Variants in KIF1B observed in about 807,000 individuals in gnomAD.
KIF1B encodes kinesin family member 1B.
KIF1B carries 76 observed loss-of-function variants against 241.9 expected under a neutral mutation model. That is an observed-to-expected ratio of 0.31 (90% confidence interval 0.26 to 0.38). The LOEUF (loss-of-function observed/expected upper bound fraction) is 0.38, where lower values mean the gene tolerates loss of function less well. KIF1B is among the 10% of genes least tolerant of loss of function. The pLI is 1.00. For missense variants in KIF1B, 1,622 were observed against 2,271.4 expected (o/e 0.71, Z 5.81); for synonymous variants, 750 against 796.7 (o/e 0.94, Z 0.99).
intron 2 of KIF1B, among the ~76,000 whole-genome samples, chr1:10,243,675 C>T (rs1033535037): frequency 2.0e-5 from 3 of 152,100 alleles, no homozygotes; most frequent in African/African-American, 7.2e-5. Flanking sequence ...TCTCCAGAAC[C>T]CTTACTATTG....
chr1:10,270,281 T>A (rs1445151350), intron 7 of KIF1B, among the ~76,000 whole-genome samples: 1 of 152,204 alleles, frequency 6.6e-6, no homozygotes, highest in Non-Finnish European at 1.5e-5. Flanking sequence ...GACCTGCCCT[T>A]TTGTCACTAT....
At chr1:10,330,942 T>A (rs1035504626) in intron 27 of KIF1B, among the ~76,000 whole-genome samples, 5 of 152,106 alleles carry the variant, frequency 3.3e-5, no homozygotes, top group Admixed American at 2.0e-4. Flanking sequence ...AAGTGGTGTT[T>A]GAAATAAGAC....
chr1:10,363,349 G>A lies in KIF1B; in HGVS notation c.4366+5G>A, dbSNP rs1638476377. ...TGTCAGACACAGGTAGTCCAGGTAA[G>A]CTCTTGTGGATTGAGGAGGTGATAG... On this transcript the variant is annotated splice_donor_5th_base_variant and intron_variant, in intron 41 of 48. Coordinates refer to ENST00000676179, the MANE Select transcript of KIF1B (RefSeq NM_001365951.3). 2 of 1,609,386 alleles carry A rather than the reference G, an allele frequency of 1.2e-6. No homozygotes were observed. Among genetic ancestry groups the A allele is most frequent in the Non-Finnish European group, 1.7e-6 (2 of 1,175,876 alleles).
chr1:10,376,858 C>T lies in KIF1B; in HGVS notation c.*271C>T, dbSNP rs1054760234. Reference sequence around the variant, plus strand: ...AAACACACACACACACACACACACACACACACACATACACAGACAAAAACA... The same window carrying T: ...AAACACACACACACACACACACACATACACACACATACACAGACAAAAACA... On this transcript the variant is annotated 3_prime_UTR_variant, in exon 49 of 49. Coordinates refer to ENST00000676179, the MANE Select transcript of KIF1B (RefSeq NM_001365951.3). 14 of 463,942 alleles carry T rather than the reference C, an allele frequency of 3.0e-5. No homozygotes were observed. The highest frequency in any genetic ancestry group is 4.4e-5 in the Non-Finnish European group (11 of 249,624). The allele number at this position is 463,942 out of a possible 1,614,324, so 28.7% of individuals were successfully genotyped here. A position where few individuals can be genotyped will look rare whatever the true frequency, so the allele number is the denominator to read the frequency against.
At chr1:10,239,579 C>T (rs1647104784) in intron 2 of KIF1B, among the ~76,000 whole-genome samples, 1 of 151,732 alleles carries the variant, frequency 6.6e-6, no homozygotes, top group African/African-American at 2.4e-5. Flanking sequence ...GATATTGAAC[C>T]GTTTTCATTT....
rs912092148 is a variant in KIF1B, at chr1:10,274,006, G to A, written c.882+975G>A. On this transcript the variant is annotated intron_variant, in intron 10 of 48. Coordinates refer to ENST00000676179, the MANE Select transcript of KIF1B (RefSeq NM_001365951.3). ...GGCTGGGGTACAGTGGCACGATCTC[G>A]GCTCAGTGCAACCTCCACCTTCTGG... Among the ~76,000 whole-genome samples, 19 of 144,280 alleles carry A rather than the reference G, an allele frequency of 1.3e-4. 1 individual carries two copies. The highest frequency in any genetic ancestry group is 6.6e-4 in the Admixed American group (9 of 13,596). The allele number at this position is 144,280 out of a possible 152,430, so 94.7% of individuals were successfully genotyped here.
chr1:10,300,980 AATT>A (rs1650513438), intron 22 of KIF1B, among the ~76,000 whole-genome samples: 1 of 152,162 alleles, frequency 6.6e-6, no homozygotes, highest in Non-Finnish European at 1.5e-5. Context: ...TCAGAGGCCA[AATT>A]ATTATTATTA....
chr1:10,249,374 A>G (rs771944502), intron 2 of KIF1B, among the ~76,000 whole-genome samples: 1 of 151,954 alleles, frequency 6.6e-6, no homozygotes, highest in Non-Finnish European at 1.5e-5. Context: ...TATTTTATGT[A>G]TATATTGCAC....
Position 10,345,835 on chromosome 1 carries a change from CTT to C in KIF1B, c.3689-7_3689-6del, listed in dbSNP as rs766891241. ...ACCAGATTTTGACATACTCTAAAAA[CTT>C]TTAAAAGTTCCAGCCACCAAGTTAA... On this transcript the variant is annotated splice_polypyrimidine_tract_variant and splice_region_variant and intron_variant, in intron 34 of 48. Transcript: ENST00000676179. 8 of 1,611,152 alleles carry C rather than the reference CTT, an allele frequency of 5.0e-6. No individual in the cohort carries two copies. The highest frequency in any genetic ancestry group is 6.8e-6 in the Non-Finnish European group (8 of 1,177,728).
intron 27 of KIF1B, among the ~76,000 whole-genome samples, chr1:10,332,766 C>T (rs1261366070): frequency 2.6e-5 from 4 of 151,180 alleles, no homozygotes; most frequent in African/African-American, 9.7e-5. Context: ...CGGCCCGCCT[C>T]GGCCTCCCAA....
intron 2 of KIF1B, among the ~76,000 whole-genome samples, chr1:10,239,263 AG>A (rs1647100646): frequency 6.6e-6 from 1 of 152,178 alleles, no homozygotes; most frequent in African/African-American, 2.4e-5. Flanking sequence ...CCACGCAGAG[AG>A]AACTACCATT....
chr1:10,212,544 A>G (rs1381043685), intron 1 of KIF1B, among the ~76,000 whole-genome samples: 1 of 152,098 alleles, frequency 6.6e-6, no homozygotes, highest in African/African-American at 2.4e-5. Flanking sequence ...TTCAAGTTCA[A>G]TTTGTTCATA....
intron 1 of KIF1B, among the ~76,000 whole-genome samples, chr1:10,231,387 T>TC: frequency 1.4e-5 from 2 of 144,818 alleles, no homozygotes; most frequent in East Asian, 4.0e-4. Context: ...CCTTTTTTTT[T>TC]TTTTTTTTTT....
chr1:10,321,142 C>A (rs889236851), intron 23 of KIF1B, among the ~76,000 whole-genome samples: 2 of 149,292 alleles, frequency 1.3e-5, no homozygotes, highest in African/African-American at 4.9e-5. Flanking sequence ...CTCACTTTGT[C>A]ACCCAGGCTT....
At chr1:10,255,175 C>G (rs1245823073) in intron 2 of KIF1B, among the ~76,000 whole-genome samples, 1 of 151,994 alleles carries the variant, frequency 6.6e-6, no homozygotes, top group Admixed American at 6.6e-5. Context: ...TCTCGAATTC[C>G]TGACCTCAAG....
At chr1:10,301,385 G>A (rs1041948559) in intron 22 of KIF1B, among the ~76,000 whole-genome samples, 2 of 151,914 alleles carry the variant, frequency 1.3e-5, no homozygotes, top group African/African-American at 4.8e-5. Flanking sequence ...AAAGGAATAG[G>A]CTGGGTGCGG....
At chr1:10,343,133 A>G in intron 33 of KIF1B, 99 bp from the exon 34 acceptor site, 1 of 1,294,594 alleles carries the variant, frequency 7.7e-7, no homozygotes, top group East Asian at 2.5e-5. Flanking sequence ...TGAAACCCCT[A>G]AAGAGAAGGA....
chr1:10,337,392 T>G lies in KIF1B; in HGVS notation c.3281T>G (p.Leu1094Arg). The G allele has an allele frequency of 1.2e-6, 2 of 1,614,234 alleles. No homozygotes were observed. Among genetic ancestry groups the G allele is most frequent in the Non-Finnish European group, 8.5e-7 (1 of 1,180,032 alleles). ...TTAGATTTGAAGTCAAGCACTTTGC[T>G]GGATGGTAAGATGGTAATGGAAGGG... is the stretch of plus-strand genomic sequence containing the variant. ...NDLDLKSSTL[L>R]DGKMVMEGFS... The change falls in exon 31 of 49, where the codon CTG (leucine) becomes CGG (arginine). Residue 1094 changes from leucine to arginine, a missense_variant. Around this residue, in one of 7 missense-constraint regions of KIF1B, gnomAD observed 803 missense variants for 1,112.0 expected, o/e 0.72. Transcript: ENST00000676179. The surrounding 1 kb of genome is among the most constrained non-coding windows in gnomAD (Gnocchi z 4.0).
intron 2 of KIF1B, among the ~76,000 whole-genome samples, chr1:10,242,494 A>G (rs1647151047): frequency 6.6e-6 from 1 of 152,218 alleles, no homozygotes; most frequent in Non-Finnish European, 1.5e-5. Context: ...GGGTACAAAT[A>G]TGATAGTAAC....
Sources: allele counts gnomAD v4.1 joint callset (sites outside exome capture counted in the v4.1 genomes callset), GRCh38; gene constraint gnomAD v4.1.1; regional missense constraint gnomAD v4.1.1; non-coding constraint Gnocchi (gnomAD v3.1); transcripts MANE v1.5; gene names NCBI Gene and HGNC (gene_info 2026-07-23, HGNC 2026-07-21).